The following SETBP1 variants were observed in gnomAD, a reference collection of about 807,000 sequenced individuals.
SETBP1 encodes the protein SET binding protein 1.
Under a neutral mutation model 101.0 loss-of-function variants are expected in SETBP1, and 9 were observed. The observed-to-expected ratio is 0.09, with a 90% confidence interval of 0.05 to 0.16. SETBP1 has a LOEUF of 0.16. SETBP1 is among the 10% of genes least tolerant of loss of function. SETBP1 has a pLI of 1.00. For synonymous variants in SETBP1, 818 were observed against 788.5 expected (o/e 1.04, Z -0.63); for missense variants, 1,858 against 2,033.8 (o/e 0.91, Z 1.66).
chr18:44,860,477 TG>T (rs1378866351), intron 2 of SETBP1, among the ~76,000 whole-genome samples: 1 of 152,174 alleles, frequency 6.6e-6, no homozygotes, highest in Non-Finnish European at 1.5e-5. Context: ...CCAGGCGCAG[TG>T]GCTCATGTCT....
At chr18:45,023,332 G>A (rs1332089387) in intron 4 of SETBP1, among the ~76,000 whole-genome samples, 2 of 152,172 alleles carry the variant, frequency 1.3e-5, no homozygotes, top group African/African-American at 4.8e-5. Flanking sequence ...GATCTTTTCG[G>A]CTCAGGGGAG....
chr18:44,942,911 G>T (rs2071118166), intron 3 of SETBP1, among the ~76,000 whole-genome samples: 1 of 152,130 alleles, frequency 6.6e-6, no homozygotes, highest in Admixed American at 6.5e-5. Context: ...GAATTTTATG[G>T]GAATAACATC....
intron 2 of SETBP1, among the ~76,000 whole-genome samples, chr18:44,717,535 C>T (rs144799965): frequency 6.6e-5 from 10 of 152,334 alleles, no homozygotes; most frequent in African/African-American, 2.2e-4. Context: ...TCTGCCCTCA[C>T]TGCACATACT....
chr18:44,740,908 A>G (rs187027803), intron 2 of SETBP1, among the ~76,000 whole-genome samples: 98 of 152,354 alleles, frequency 6.4e-4, no homozygotes, highest in African/African-American at 2.3e-3. Context: ...CTGCACTTGG[A>G]TAAATTTGAA....
At chr18:44,889,464 G>A (rs2069720208) in intron 3 of SETBP1, among the ~76,000 whole-genome samples, 1 of 152,166 alleles carries the variant, frequency 6.6e-6, no homozygotes, top group African/African-American at 2.4e-5. Flanking sequence ...CCCCAGTCAT[G>A]TGGGGAGTGT....
intron 4 of SETBP1, among the ~76,000 whole-genome samples, chr18:44,956,573 C>G (rs982192644): frequency 6.6e-6 from 1 of 152,164 alleles, no homozygotes; most frequent in Non-Finnish European, 1.5e-5. Context: ...TCCTTAGCAT[C>G]CAAATGTCCT....
intron 2 of SETBP1, among the ~76,000 whole-genome samples, chr18:44,775,334 A>G (rs1336919129): frequency 1.3e-5 from 2 of 152,232 alleles, no homozygotes; most frequent in African/African-American, 4.8e-5. Context: ...TTTCTATGTG[A>G]TACCTGCAGT....
intron 2 of SETBP1, among the ~76,000 whole-genome samples, chr18:44,844,048 T>C (rs2072674111): frequency 6.6e-6 from 1 of 152,226 alleles, no homozygotes; most frequent in Non-Finnish European, 1.5e-5. Flanking sequence ...CCTGTCATTT[T>C]TTTTACATGT....
chr18:45,042,252 C>A (rs1022123180), intron 5 of SETBP1, among the ~76,000 whole-genome samples: 2 of 149,694 alleles, frequency 1.3e-5, no homozygotes, highest in Non-Finnish European at 3.0e-5. Context: ...CAGATTCAAG[C>A]GATTCTCCTG....
At chr18:44,983,097 G>A (rs752152033) in intron 4 of SETBP1, among the ~76,000 whole-genome samples, 2 of 152,086 alleles carry the variant, frequency 1.3e-5, no homozygotes, top group Non-Finnish European at 2.9e-5. Flanking sequence ...CTTATTCAGT[G>A]GAAGCCAGGC....
At chr18:44,798,899 T>C (rs1599142925) in intron 2 of SETBP1, among the ~76,000 whole-genome samples, 1 of 152,190 alleles carries the variant, frequency 6.6e-6, no homozygotes, top group South Asian at 2.1e-4. Context: ...GTCAGCCCCA[T>C]ACTTAGCCTG....
intron 3 of SETBP1, among the ~76,000 whole-genome samples, chr18:44,901,948 C>T (rs980618390): frequency 2.0e-5 from 3 of 152,162 alleles, no homozygotes; most frequent in African/African-American, 7.2e-5. Flanking sequence ...TCCCCAGTTA[C>T]AAACTTATTT....
At chr18:44,850,456 C>T (rs917986856) in intron 2 of SETBP1, among the ~76,000 whole-genome samples, 7 of 151,476 alleles carry the variant, frequency 4.6e-5, no homozygotes, top group East Asian at 3.9e-4. Flanking sequence ...CTACAACCTC[C>T]GCCTCCCTGG....
chr18:45,033,308 G>C (rs890280861), intron 4 of SETBP1, among the ~76,000 whole-genome samples: 1 of 152,162 alleles, frequency 6.6e-6, no homozygotes, highest in Non-Finnish European at 1.5e-5. Flanking sequence ...TTTCAGCTTC[G>C]CTTCGTCCAC....
intron 3 of SETBP1, among the ~76,000 whole-genome samples, chr18:44,934,130 G>A (rs1051873157): frequency 6.6e-6 from 1 of 151,400 alleles, no homozygotes. Context: ...CATCAGGTAG[G>A]TGCTGTTGTT....
rs1163019686 is a variant in SETBP1, at chr18:45,048,680, T to C, written c.4171+10025T>C. Among the ~76,000 whole-genome samples the C allele has an allele frequency of 3.9e-5, 6 of 151,970 alleles. No individual in the cohort carries two copies. The East Asian group carries it at 1.2e-3, about 29-fold the overall frequency. ...CAATTCTATGAATGATATATACAAA[T>C]AGAAGATTAGGGCCGGGCGCGGTGG... On this transcript the variant is annotated intron_variant, in intron 5 of 5. Coordinates refer to ENST00000649279, the MANE Select transcript of SETBP1 (RefSeq NM_015559.3).
chr18:44,764,153 C>T (rs1016438529), intron 2 of SETBP1, among the ~76,000 whole-genome samples: 6 of 152,182 alleles, frequency 3.9e-5, no homozygotes, highest in South Asian at 2.1e-4. Flanking sequence ...CAATGGCCTG[C>T]GGAGTCCTGC....
At chr18:44,946,750 G>A (rs1239580935) in intron 3 of SETBP1, among the ~76,000 whole-genome samples, 1 of 152,140 alleles carries the variant, frequency 6.6e-6, no homozygotes, top group Admixed American at 6.5e-5. Context: ...AGGCCTTAGG[G>A]ATAAGATGAT....
intron 4 of SETBP1, among the ~76,000 whole-genome samples, chr18:44,967,382 T>C (rs1400270798): frequency 6.6e-6 from 1 of 152,226 alleles, no homozygotes; most frequent in African/African-American, 2.4e-5. Flanking sequence ...CCAATGTATC[T>C]GCTAACCCCA....
Sources: allele counts gnomAD v4.1 joint callset (sites outside exome capture counted in the v4.1 genomes callset), GRCh38; gene constraint gnomAD v4.1.1; transcripts MANE v1.5; gene names NCBI Gene and HGNC (gene_info 2026-07-23, HGNC 2026-07-21).